AHCYL2: variants seen among roughly 807,000 people sequenced by gnomAD.
The protein encoded by AHCYL2 is S-adenosylhomocysteine hydrolase-like protein 2.
Under a neutral mutation model 81.4 loss-of-function variants are expected in AHCYL2, and 28 were observed. That is an observed-to-expected ratio of 0.34 (90% confidence interval 0.25 to 0.47). The LOEUF is 0.47. Among genes scored for constraint, AHCYL2 ranks in the 20% least tolerant of loss-of-function variants. The pLI is 1.00. For missense variants in AHCYL2, 551 were observed against 785.1 expected (o/e 0.70, Z 3.56); for synonymous variants, 272 against 290.2 (o/e 0.94, Z 0.64).
intron 13 of AHCYL2, among the ~76,000 whole-genome samples, chr7:129,423,491 T>C (rs1194385439): frequency 6.6e-6 from 1 of 152,222 alleles, no homozygotes; most frequent in Admixed American, 6.5e-5. Context: ...ACTTTCATTT[T>C]ATTGGCTTCC....
chr7:129,321,743 G>GTTTTTT, intron 1 of AHCYL2, among the ~76,000 whole-genome samples: 161 of 77,478 alleles, frequency 2.1e-3, no homozygotes, highest in Non-Finnish European at 2.3e-3. Context: ...TTCTTTCTTT[G>GTTTTTT]TTTTTTTTTT....
intron 1 of AHCYL2, among the ~76,000 whole-genome samples, chr7:129,249,122 G>A (rs890075738): frequency 6.7e-6 from 1 of 148,762 alleles, no homozygotes; most frequent in Non-Finnish European, 1.5e-5. Context: ...TGCAGCCCCC[G>A]GAGTAGCTGG....
At position 129,340,546 on chromosome 7, in the gene AHCYL2, A is replaced by C. The variant is rs534619763; in HGVS notation, c.364-39092A>C. On this transcript the variant is annotated intron_variant, in intron 1 of 16. Coordinates refer to ENST00000325006, the MANE Select transcript of AHCYL2 (RefSeq NM_015328.4). Reference sequence around the variant, plus strand: ...TCGCGCCACTGCACTCCAGCCTGGGAGACAGAGCGAGACTCCGTCTCAAAA... The same window carrying C: ...TCGCGCCACTGCACTCCAGCCTGGGCGACAGAGCGAGACTCCGTCTCAAAA... Among the ~76,000 whole-genome samples, 954 of 149,760 alleles carry C rather than the reference A, an allele frequency of 6.4e-3. 13 individuals carry two copies. Among genetic ancestry groups the C allele is most frequent in the African/African-American group, 0.022 (917 of 40,850 alleles).
intron 1 of AHCYL2, among the ~76,000 whole-genome samples, chr7:129,230,623 A>AGTGCAGTG (rs1000967609): frequency 7.1e-6 from 1 of 141,240 alleles, no homozygotes; most frequent in Non-Finnish European, 1.5e-5. Flanking sequence ...CCCAGGCTGG[A>AGTGCAGTG]GTGCAGTGGT....
chr7:129,256,542 A>ACCCCC (rs1228915009), intron 1 of AHCYL2, among the ~76,000 whole-genome samples: 4 of 58,500 alleles, frequency 6.8e-5, no homozygotes, highest in Non-Finnish European at 9.4e-5. Flanking sequence ...CCCGCCCCCC[A>ACCCCC]CCCCCCACCC....
At chr7:129,361,697 A>G (rs1213792080) in intron 1 of AHCYL2, among the ~76,000 whole-genome samples, 2 of 152,050 alleles carry the variant, frequency 1.3e-5, no homozygotes, top group Non-Finnish European at 2.9e-5. Flanking sequence ...TGGCATGATC[A>G]TAGATCATTG....
intron 1 of AHCYL2, among the ~76,000 whole-genome samples, chr7:129,322,562 T>C (rs1798077489): frequency 6.6e-6 from 1 of 152,196 alleles, no homozygotes; most frequent in African/African-American, 2.4e-5. Context: ...GTTGAATGTC[T>C]TAGCAAAAAG....
intron 1 of AHCYL2, among the ~76,000 whole-genome samples, chr7:129,312,611 T>A (rs2718097): frequency 0.062 from 9,405 of 152,248 alleles, 939 homozygotes; most frequent in African/African-American, 0.21. Flanking sequence ...CTTAATAGTT[T>A]TTAGTCAGGA....
chr7:129,234,548 G>A (rs1794572600), intron 1 of AHCYL2, among the ~76,000 whole-genome samples: 1 of 151,830 alleles, frequency 6.6e-6, no homozygotes. Context: ...GCCAAGATGG[G>A]GTCTCTTGCT....
chr7:129,284,599 CAAAAAAAAA>C (rs1232402820), intron 1 of AHCYL2, among the ~76,000 whole-genome samples: 1 of 53,346 alleles, frequency 1.9e-5, no homozygotes, highest in African/African-American at 6.8e-5. Flanking sequence ...GACTTCGTCT[CAAAAAAAAA>C]AAAAAAAAAA....
At chr7:129,228,438 C>G (rs890600729) in intron 1 of AHCYL2, among the ~76,000 whole-genome samples, 1 of 152,132 alleles carries the variant, frequency 6.6e-6, no homozygotes, top group Non-Finnish European at 1.5e-5. Context: ...CTGTAACTTG[C>G]GATGCTCTGG....
At chr7:129,344,965 G>T (rs1279355690) in intron 1 of AHCYL2, among the ~76,000 whole-genome samples, 5 of 152,108 alleles carry the variant, frequency 3.3e-5, no homozygotes, top group African/African-American at 1.2e-4. Context: ...GACTATCCTG[G>T]CTAACATGGT....
chr7:129,417,960 G>A (rs1796936939), intron 12 of AHCYL2, among the ~76,000 whole-genome samples: 1 of 152,144 alleles, frequency 6.6e-6, no homozygotes, highest in Admixed American at 6.5e-5. Flanking sequence ...TTTTAGTTAG[G>A]GTAGTCAAGG....
chr7:129,315,034 T>C (rs1411856402), intron 1 of AHCYL2, among the ~76,000 whole-genome samples: 1 of 152,148 alleles, frequency 6.6e-6, no homozygotes. Context: ...AAGCACATCA[T>C]ACAGCACCTA....
At chr7:129,377,503 G>T (rs145149619) in intron 1 of AHCYL2, 1 of 455,542 alleles carries the variant, frequency 2.2e-6, no homozygotes, top group Admixed American at 2.4e-5. Context: ...GTCCCTTGTC[G>T]CAATACTCAA....
At chr7:129,256,798 T>C (rs1372597704) in intron 1 of AHCYL2, among the ~76,000 whole-genome samples, 1 of 152,100 alleles carries the variant, frequency 6.6e-6, no homozygotes, top group Admixed American at 6.6e-5. Flanking sequence ...AAGGTTTTTT[T>C]TTTAATTGTA....
At chr7:129,392,608 C>T (rs1170802095) in intron 4 of AHCYL2, among the ~76,000 whole-genome samples, 1 of 152,202 alleles carries the variant, frequency 6.6e-6, no homozygotes, top group Non-Finnish European at 1.5e-5. Flanking sequence ...CAGACCATAG[C>T]AATCCCCAAA....
In AHCYL2 at chr7:129,426,285, C is replaced by T. The variant is rs1194924413; in HGVS notation, c.1709-158C>T. Among the ~76,000 whole-genome samples, 1 of 152,172 alleles carries T rather than the reference C, an allele frequency of 6.6e-6. No homozygotes were observed. The highest frequency in any genetic ancestry group is 2.4e-5 in the African/African-American group (1 of 41,424). On this transcript the variant is annotated intron_variant, in intron 15 of 16. Transcript: ENST00000325006. This position sits in a 1 kb window ranked among gnomAD's most constrained non-coding sequence, Gnocchi z 4.3. ...GGGCTTGAAGCTGAAGGCAGCTATT[C>T]CTTAGAATTGAGGACCAGTGAGCGA...
At chr7:129,226,832 A>T (rs1219497487) in intron 1 of AHCYL2, among the ~76,000 whole-genome samples, 3 of 152,246 alleles carry the variant, frequency 2.0e-5, no homozygotes, top group Non-Finnish European at 4.4e-5. Context: ...TAAAGTAAAA[A>T]AGAGAGGCAG....
Sources: gnomAD v4.1 joint callset for allele counts (sites outside exome capture counted in the v4.1 genomes callset) on GRCh38, gnomAD v4.1.1 for gene constraint, Gnocchi (gnomAD v3.1) non-coding constraint, MANE v1.5 for transcripts, NCBI Gene and HGNC (gene_info 2026-07-23, HGNC 2026-07-21) for gene names.